The following TRPM3 variants were observed in gnomAD, a reference collection of about 807,000 sequenced individuals.
TRPM3 encodes the protein transient receptor potential cation channel subfamily M member 3.
Under a neutral mutation model 181.2 loss-of-function variants are expected in TRPM3, and 77 were observed. The ratio of observed to expected loss-of-function variants is 0.42; its 90% CI spans 0.35 to 0.51. The LOEUF is 0.51. Among genes scored for constraint, TRPM3 ranks in the 20% least tolerant of loss-of-function variants. The probability of loss-of-function intolerance (pLI) is 0.01; values close to 1 mark genes in which losing one functional copy is unlikely to be tolerated. For missense variants in TRPM3, 1,759 were observed against 2,196.7 expected (o/e 0.80, Z 3.98); for synonymous variants, 745 against 796.4 (o/e 0.94, Z 1.09).
chr9:70,876,601 T>A (rs2095873106), intron 1 of TRPM3, among the ~76,000 whole-genome samples: 1 of 151,936 alleles, frequency 6.6e-6, no homozygotes, highest in Admixed American at 6.6e-5. Context: ...TTCTGTTCCA[T>A]TGGATGGAAA....
intron 1 of TRPM3, among the ~76,000 whole-genome samples, chr9:71,299,973 C>G (rs944161004): frequency 1.3e-5 from 2 of 152,004 alleles, no homozygotes; most frequent in Non-Finnish European, 2.9e-5. Flanking sequence ...CTAGGAAAGT[C>G]TAGTAAAGTT....
intron 1 of TRPM3, among the ~76,000 whole-genome samples, chr9:70,921,647 T>C (rs2096654244): frequency 6.6e-6 from 1 of 152,148 alleles, no homozygotes; most frequent in African/African-American, 2.4e-5. Context: ...GAGGGAAGGT[T>C]GTACAGAGAG....
chr9:71,297,070 C>A (rs1419986471), intron 1 of TRPM3, among the ~76,000 whole-genome samples: 1 of 147,176 alleles, frequency 6.8e-6, no homozygotes, highest in Non-Finnish European at 1.5e-5. Context: ...CTGCTCACTG[C>A]AACCTCCGCC....
At chr9:70,553,122 T>A in intron 23 of TRPM3, 38 bp downstream of exon 23, 1 of 1,613,990 alleles carries the variant, frequency 6.2e-7, no homozygotes, top group South Asian at 1.1e-5. Flanking sequence ...ACCCCTGCTG[T>A]CCTCATCCAT....
At chr9:71,282,127 CGAAAGAAAGAAAGAAAG>C (rs1473959572) in intron 1 of TRPM3, among the ~76,000 whole-genome samples, 1 of 57,658 alleles carries the variant, frequency 1.7e-5, no homozygotes, top group African/African-American at 5.7e-5. Context: ...AAAGAAAGAA[CGAAAGAAAGAAAGAAAG>C]GAAAGAAAGA....
chr9:70,886,672 CTTTTT>C (rs560003768), intron 1 of TRPM3, among the ~76,000 whole-genome samples: 1 of 149,904 alleles, frequency 6.7e-6, no homozygotes, highest in East Asian at 2.0e-4. Flanking sequence ...TTCTTTTTTT[CTTTTT>C]TTTTGAGATG....
chr9:71,433,698 A>G (rs942163540), intron 1 of TRPM3, among the ~76,000 whole-genome samples: 1 of 152,318 alleles, frequency 6.6e-6, no homozygotes, highest in South Asian at 2.1e-4. Context: ...CACATAACCC[A>G]AGATTACCTG....
chr9:71,053,024 C>A (rs903929656), intron 1 of TRPM3, among the ~76,000 whole-genome samples: 2 of 140,512 alleles, frequency 1.4e-5, no homozygotes, highest in South Asian at 2.3e-4. Context: ...ACTCTTTTGT[C>A]ACCAATAGTG....
At chr9:70,670,312 G>C (rs2062671141) in intron 9 of TRPM3, among the ~76,000 whole-genome samples, 1 of 152,160 alleles carries the variant, frequency 6.6e-6, no homozygotes, top group African/African-American at 2.4e-5. Context: ...GAAAATTAAT[G>C]ATAAAACTTG....
At chr9:70,799,999 G>A (rs933901724) in intron 6 of TRPM3, among the ~76,000 whole-genome samples, 4 of 152,176 alleles carry the variant, frequency 2.6e-5, no homozygotes, top group African/African-American at 9.7e-5. Context: ...CCAATACCAC[G>A]AACTGCAATA....
intron 1 of TRPM3, among the ~76,000 whole-genome samples, chr9:71,013,466 T>G (rs75011282): frequency 0.065 from 9,869 of 150,962 alleles, 421 homozygotes; most frequent in Non-Finnish European, 0.088. Flanking sequence ...AGCTTTTGGG[T>G]TTTTTTTTGT....
At chr9:71,129,260 C>A (rs553602658) in intron 1 of TRPM3, among the ~76,000 whole-genome samples, 1 of 152,078 alleles carries the variant, frequency 6.6e-6, no homozygotes, top group East Asian at 1.9e-4. Context: ...GACAATGGTC[C>A]AGTTTTTGTT....
At chr9:71,268,560 C>T (rs1026758888) in intron 1 of TRPM3, among the ~76,000 whole-genome samples, 3 of 152,112 alleles carry the variant, frequency 2.0e-5, no homozygotes, top group African/African-American at 4.8e-5. Flanking sequence ...CACGGTGGCT[C>T]ACGCCTGTAA....
At chr9:70,784,481 A>G (rs2083152198) in intron 6 of TRPM3, among the ~76,000 whole-genome samples, 4 of 152,126 alleles carry the variant, frequency 2.6e-5, no homozygotes, top group African/African-American at 9.7e-5. Context: ...AGTCTATTTG[A>G]CTTTGCCCTC....
At chr9:71,070,394 G>A (rs2133528185) in intron 1 of TRPM3, among the ~76,000 whole-genome samples, 1 of 152,306 alleles carries the variant, frequency 6.6e-6, no homozygotes, top group African/African-American at 2.4e-5. Context: ...CAAGAGCAGA[G>A]AAACATATCT....
At chr9:70,979,880 G>A (rs917100642) in intron 1 of TRPM3, among the ~76,000 whole-genome samples, 1 of 152,082 alleles carries the variant, frequency 6.6e-6, no homozygotes, top group Admixed American at 6.5e-5. Flanking sequence ...GTGGGGAGGG[G>A]GAGAGGAAGG....
At chr9:71,311,461 C>A (rs7038630) in intron 1 of TRPM3, among the ~76,000 whole-genome samples, 7,209 of 152,110 alleles carry the variant, frequency 0.047, 407 homozygotes, top group African/African-American at 0.14. Flanking sequence ...AGACACACAT[C>A]AATATAGTCA....
intron 22 of TRPM3, among the ~76,000 whole-genome samples, chr9:70,569,827 T>C (rs1030326816): frequency 2.0e-5 from 3 of 152,206 alleles, no homozygotes; most frequent in Non-Finnish European, 4.4e-5. Flanking sequence ...GTTCTTTTCA[T>C]TTAATTAATT....
At chr9:70,848,249 A>G (rs1369745232) in intron 3 of TRPM3, among the ~76,000 whole-genome samples, 1 of 152,180 alleles carries the variant, frequency 6.6e-6, no homozygotes, top group Non-Finnish European at 1.5e-5. Flanking sequence ...GAAAATTAAA[A>G]TGGATAAGTT....
Sources: allele counts gnomAD v4.1 joint callset (sites outside exome capture counted in the v4.1 genomes callset), GRCh38; gene constraint gnomAD v4.1.1; transcripts MANE v1.5; gene names NCBI Gene and HGNC (gene_info 2026-07-23, HGNC 2026-07-21).